STK39: variants seen among roughly 807,000 people sequenced by gnomAD.
STK39 encodes the protein STE20/SPS1-related proline-alanine-rich protein kinase.
In STK39, 20 loss-of-function variants were observed where a neutral mutation model predicts 77.8. The ratio of observed to expected loss-of-function variants is 0.26; its 90% CI spans 0.18 to 0.37. The LOEUF (loss-of-function observed/expected upper bound fraction) is 0.37. Ranked by LOEUF, STK39 falls within the 10% of genes least tolerant of loss-of-function variation. The pLI is 1.00. For synonymous variants in STK39, 246 were observed against 234.1 expected, an observed-to-expected ratio of 1.05 and a Z score of -0.47; for missense variants, 479 against 656.5, an observed-to-expected ratio of 0.73 and a Z score of 2.95.
chr2:168,107,530 A>ATC (rs1353243561), intron 10 of STK39, among the ~76,000 whole-genome samples: 10 of 152,222 alleles, frequency 6.6e-5, no homozygotes, highest in African/African-American at 1.9e-4. Context: ...TAGCTCAAAT[A>ATC]TCTCTTATCA....
At chr2:167,988,401 G>A (rs1683614356) in intron 16 of STK39, among the ~76,000 whole-genome samples, 1 of 152,104 alleles carries the variant, frequency 6.6e-6, no homozygotes, top group African/African-American at 2.4e-5. Flanking sequence ...TTTCTAGCAA[G>A]ACCATTTTAG....
At chr2:168,093,350 C>A (rs1373363348) in intron 10 of STK39, among the ~76,000 whole-genome samples, 3 of 152,204 alleles carry the variant, frequency 2.0e-5, no homozygotes, top group Non-Finnish European at 4.4e-5. Flanking sequence ...GGAGGCCTCA[C>A]AATCATGGCA....
At chr2:168,156,785 G>C (rs2105572593) in intron 5 of STK39, among the ~76,000 whole-genome samples, 1 of 152,292 alleles carries the variant, frequency 6.6e-6, no homozygotes. Context: ...CCATGCTCTG[G>C]GCCAAGGTGC....
chr2:168,204,728 A>C (rs1485819784), intron 1 of STK39, among the ~76,000 whole-genome samples: 1 of 152,238 alleles, frequency 6.6e-6, no homozygotes, highest in Non-Finnish European at 1.5e-5. Flanking sequence ...TGAATTAGGC[A>C]TAACAGCAGG....
chr2:168,067,706 T>C (rs547072759), intron 12 of STK39, among the ~76,000 whole-genome samples: 1 of 152,300 alleles, frequency 6.6e-6, no homozygotes, highest in South Asian at 2.1e-4. Flanking sequence ...GCATGGTCTT[T>C]TGGGTATACT....
rs562384276 is a variant in STK39 at position 168,216,958 on chromosome 2, C to T, written c.208+30270G>A. ...AAGCCAGCCCAGGAGCCCAGAGGGGCGCTGGTTGGAATATGGTGAGCTCTA... is the reference window on the plus strand; with the variant it reads ...AAGCCAGCCCAGGAGCCCAGAGGGGTGCTGGTTGGAATATGGTGAGCTCTA... On this transcript the variant is annotated intron_variant, in intron 1 of 17. Transcript: ENST00000355999. Among the ~76,000 whole-genome samples, 8 of 152,256 alleles carry T rather than the reference C, an allele frequency of 5.3e-5. No individual in the cohort carries two copies. In the East Asian group the frequency reaches 5.8e-4, roughly 11 times the overall value.
At chr2:168,207,123 C>T (rs890030970) in intron 1 of STK39, among the ~76,000 whole-genome samples, 1 of 152,162 alleles carries the variant, frequency 6.6e-6, no homozygotes, top group Non-Finnish European at 1.5e-5. Context: ...GCTACCTTTT[C>T]AGCAGTATAA....
chr2:168,024,306 C>T (rs371158948), intron 14 of STK39, among the ~76,000 whole-genome samples: 1 of 152,136 alleles, frequency 6.6e-6, no homozygotes, highest in African/African-American at 2.4e-5. Context: ...ACTTATTTGG[C>T]CTTCTGTAAC....
intron 14 of STK39, among the ~76,000 whole-genome samples, chr2:168,051,342 T>C (rs1050211760): frequency 2.0e-5 from 3 of 152,144 alleles, no homozygotes; most frequent in African/African-American, 7.2e-5. Context: ...TTGTTAAAAT[T>C]TCAGGCTACT....
At chr2:168,061,207 C>G (rs551486058) in intron 14 of STK39, among the ~76,000 whole-genome samples, 9 of 148,092 alleles carry the variant, frequency 6.1e-5, no homozygotes, top group Non-Finnish European at 1.2e-4. Context: ...AATGAAAACT[C>G]AGGCTGATTT....
chr2:168,110,618 G>C (rs747462266), intron 10 of STK39, among the ~76,000 whole-genome samples: 19 of 152,050 alleles, frequency 1.2e-4, no homozygotes, highest in Non-Finnish European at 2.2e-4. Flanking sequence ...TTTCCACACA[G>C]ATCTATAATA....
At chr2:168,129,333 T>C (rs1211498734) in intron 10 of STK39, among the ~76,000 whole-genome samples, 3 of 152,196 alleles carry the variant, frequency 2.0e-5, no homozygotes, top group Non-Finnish European at 2.9e-5. Context: ...ATGAAATCAT[T>C]TGAGATTCAA....
At chr2:168,029,917 C>T (rs1038972777) in intron 14 of STK39, among the ~76,000 whole-genome samples, 11 of 152,086 alleles carry the variant, frequency 7.2e-5, no homozygotes, top group South Asian at 2.1e-4. Flanking sequence ...CTGTGTCTGG[C>T]CAACACCTTG....
At chr2:168,022,814 A>C (rs1684602885) in intron 14 of STK39, among the ~76,000 whole-genome samples, 2 of 152,260 alleles carry the variant, frequency 1.3e-5, no homozygotes, top group South Asian at 4.1e-4. Flanking sequence ...CACAGACTGA[A>C]GGCATGGGAG....
At chr2:168,050,680 G>C (rs947691113) in intron 14 of STK39, among the ~76,000 whole-genome samples, 6 of 152,134 alleles carry the variant, frequency 3.9e-5, no homozygotes, top group Non-Finnish European at 7.3e-5. Context: ...TCTCCCCAAG[G>C]GCCTCCAGAA....
chr2:167,997,406 G>A (rs1314118994), intron 16 of STK39, among the ~76,000 whole-genome samples: 1 of 152,058 alleles, frequency 6.6e-6, no homozygotes, highest in African/African-American at 2.4e-5. Flanking sequence ...AAAGAGGGAA[G>A]AACTACCCCT....
intron 8 of STK39, among the ~76,000 whole-genome samples, chr2:168,132,361 A>G (rs942450208): frequency 6.6e-6 from 1 of 151,974 alleles, no homozygotes; most frequent in African/African-American, 2.4e-5. Flanking sequence ...TTTCCAACCC[A>G]TCATCCACCA....
At chr2:168,150,630 A>G (rs916806825) in intron 5 of STK39, among the ~76,000 whole-genome samples, 1 of 151,822 alleles carries the variant, frequency 6.6e-6, no homozygotes, top group Non-Finnish European at 1.5e-5. Context: ...CCTCTAATGA[A>G]TTGTGTAAGG....
chr2:168,017,859 A>C (rs1480659783), intron 14 of STK39, among the ~76,000 whole-genome samples: 1 of 152,212 alleles, frequency 6.6e-6, no homozygotes. Context: ...AGAGAAAGGT[A>C]TGCATTTGGT....
Sources: allele counts gnomAD v4.1 joint callset (sites outside exome capture counted in the v4.1 genomes callset), GRCh38; gene constraint gnomAD v4.1.1; transcripts MANE v1.5; gene names NCBI Gene and HGNC (gene_info 2026-07-23, HGNC 2026-07-21).